Variants in SEC24C observed in about 807,000 individuals in gnomAD.
SEC24C encodes the protein SEC24 homolog C, COPII component.
Under a neutral mutation model 117.0 loss-of-function variants are expected in SEC24C, and 22 were observed. The ratio of observed to expected loss-of-function variants is 0.19; its 90% CI spans 0.13 to 0.27. The LOEUF (loss-of-function observed/expected upper bound fraction) is 0.27, where lower values mean the gene tolerates loss of function less well. SEC24C is among the 10% of genes least tolerant of loss of function. The pLI is 1.00. For synonymous variants in SEC24C, 506 were observed against 529.4 expected (o/e 0.96, Z 0.61); for missense variants, 1,155 against 1,375.1 (o/e 0.84, Z 2.53).
Position 73,769,815 on chromosome 10 carries a change from T to G in SEC24C, c.2683-21T>G. The G allele has an allele frequency of 6.2e-7, 1 of 1,613,068 alleles. No individual in the cohort carries two copies. The highest frequency in any genetic ancestry group is 1.1e-5 in the South Asian group (1 of 91,068). The stretch of plus-strand genomic sequence containing the variant: ...GAGGGATTTCTCATGATCATTGACT[T>G]TATTTTGATAATCCCCTCAGTTGAT... On this transcript the variant is annotated intron_variant, in intron 19 of 22. Coordinates refer to ENST00000345254, the MANE Select transcript of SEC24C (RefSeq NM_198597.3). This position sits in a 1 kb window ranked among gnomAD's most constrained non-coding sequence, Gnocchi z 4.5.
Position 73,769,561 on chromosome 10 carries a change from G to T in SEC24C, c.2564-54G>T. 6.2e-7 allele frequency: 1 copy of T among 1,612,638 alleles called. No homozygotes were observed. Among genetic ancestry groups the T allele is most frequent in the East Asian group, 2.2e-5 (1 of 44,866 alleles). ...GGTGAGTGGGTAGTTGTGATGGTGG[G>T]AATGCACACATGATGGGCAGCTGAC... On this transcript the variant is annotated intron_variant, in intron 18 of 22. Transcript: ENST00000345254. This position sits in a 1 kb window ranked among gnomAD's most constrained non-coding sequence, Gnocchi z 4.5.
chr10:73,767,226 G>A, intron 14 of SEC24C, 56 bp downstream of exon 14: 1 of 1,178,444 alleles, frequency 8.5e-7, no homozygotes, highest in Non-Finnish European at 1.3e-6. Context: ...AGGAAGTGGG[G>A]ACTCTACTTT....
intron 6 of SEC24C, among the ~76,000 whole-genome samples, chr10:73,762,417 G>T (rs2082811747): frequency 6.6e-6 from 1 of 152,198 alleles, no homozygotes; most frequent in South Asian, 2.1e-4. Flanking sequence ...TAAGGGTGGG[G>T]TCAGGTGGCA....
intron 3 of SEC24C, among the ~76,000 whole-genome samples, chr10:73,752,361 C>T (rs2082654086): frequency 6.6e-6 from 1 of 152,122 alleles, no homozygotes; most frequent in South Asian, 2.1e-4. Flanking sequence ...TGAGCTCAAG[C>T]AATCTGCCCA....
chr10:73,756,899 ATTTTTTTTTTTT>A (rs1172846982), intron 3 of SEC24C, among the ~76,000 whole-genome samples: 6 of 41,898 alleles, frequency 1.4e-4, no homozygotes, highest in South Asian at 1.6e-3. Context: ...TTCCTGGCCA[ATTTTTTTTTTTT>A]TTTTTTTTTT....
rs748651983 is a variant in SEC24C at position 73,769,598 on chromosome 10, T to C, written c.2564-17T>C. 6 of 1,613,710 alleles carry C rather than the reference T, an allele frequency of 3.7e-6. No individual in the cohort carries two copies. The highest frequency in any genetic ancestry group is 5.1e-6 in the Non-Finnish European group (6 of 1,179,702). ...GATGGGCAGCTGACCAGTGACTATC[T>C]TTGCTTTCCCATCCAGCATATCGGG... On this transcript the variant is annotated splice_polypyrimidine_tract_variant and intron_variant, in intron 18 of 22. Coordinates refer to ENST00000345254, the MANE Select transcript of SEC24C (RefSeq NM_198597.3). This position sits in a 1 kb window ranked among gnomAD's most constrained non-coding sequence, Gnocchi z 4.5.
rs371202306 is a variant in SEC24C at position 73,769,785 on chromosome 10, T to C, written c.2683-51T>C. On this transcript the variant is annotated intron_variant, in intron 19 of 22. Coordinates refer to ENST00000345254, the MANE Select transcript of SEC24C (RefSeq NM_198597.3). The surrounding 1 kb of genome is among the most constrained non-coding windows in gnomAD (Gnocchi z 4.5). ...GGGGTTGTTGGGACAAATGTTTGCA[T>C]TTGGGAGGGATTTCTCATGATCATT... is the stretch of plus-strand genomic sequence containing the variant. 32 of 1,612,076 alleles carry C rather than the reference T, an allele frequency of 2.0e-5. No homozygotes were observed. The African/African-American group carries it at 3.9e-4, about 20-fold the overall frequency.
rs2082945531 is a variant in SEC24C at position 73,769,809 on chromosome 10, T to C, written c.2683-27T>C. 6.2e-7 allele frequency: 1 copy of C among 1,612,904 alleles called. No individual in the cohort carries two copies. Among genetic ancestry groups the C allele is most frequent in the Non-Finnish European group, 8.5e-7 (1 of 1,178,950 alleles). ...ATTTGGGAGGGATTTCTCATGATCA[T>C]TGACTTTATTTTGATAATCCCCTCA... is the stretch of plus-strand genomic sequence containing the variant. On this transcript the variant is annotated intron_variant, in intron 19 of 22. Coordinates refer to ENST00000345254, the MANE Select transcript of SEC24C (RefSeq NM_198597.3). This position sits in a 1 kb window ranked among gnomAD's most constrained non-coding sequence, Gnocchi z 4.5.
At chr10:73,763,316 T>C (rs1005823878) in intron 6 of SEC24C, among the ~76,000 whole-genome samples, 174 bp from the exon 7 acceptor site, 1 of 152,204 alleles carries the variant, frequency 6.6e-6, no homozygotes, top group African/African-American at 2.4e-5. Flanking sequence ...AGTGTAAGAT[T>C]GGCATTACAG....
At chr10:73,753,699 C>A (rs1300164364) in intron 3 of SEC24C, among the ~76,000 whole-genome samples, 1 of 152,180 alleles carries the variant, frequency 6.6e-6, no homozygotes, top group African/African-American at 2.4e-5. Flanking sequence ...AAATGTACAA[C>A]CCCACGTACC....
Position 73,766,169 on chromosome 10 carries a change from C to A in SEC24C, c.1566C>A (p.Leu522=). ...YNAIRTGLVR[L]LCEELKSLLD... is the part of the protein sequence containing the mutation. The stretch of plus-strand genomic sequence containing the variant: ...CCATCAGGACTGGTCTTGTTAGGCT[C>A]CTCTGTGAGGAGCTCAAGTCACTGT... Residue 522 remains leucine (L), a synonymous_variant, in exon 11 of 23, where the codon CTC becomes CTA. Transcript: ENST00000345254. 1 of 1,613,888 alleles carries A rather than the reference C, an allele frequency of 6.2e-7. No individual in the cohort carries two copies. Among genetic ancestry groups the A allele is most frequent in the Non-Finnish European group, 8.5e-7 (1 of 1,179,984 alleles).
rs2082979623 is a variant in SEC24C at position 73,771,325 on chromosome 10, A to T, written c.*230A>T. On this transcript the variant is annotated 3_prime_UTR_variant, in exon 23 of 23. Transcript: ENST00000345254. ...CTCATTCTACCCTCTTTTTCCTGCT[A>T]ATCCTGTCATAATGAATGTAGCTTC... 1.8e-6 allele frequency: 1 copy of T among 547,978 alleles called. No homozygotes were observed. The highest frequency in any genetic ancestry group is 1.9e-5 in the African/African-American group (1 of 52,736). 33.9% of individuals were successfully genotyped at this position (547,978 alleles called of 1,614,324 possible). A position where few individuals can be genotyped will look rare whatever the true frequency, so the allele number is the denominator to read the frequency against.
chr10:73,766,381 G>C lies in SEC24C; in HGVS notation c.1639G>C (p.Val547Leu). The change falls in exon 12 of 23, where the codon GTT (valine) becomes CTT (leucine). Residue 547 changes from valine (V) to leucine (L), a missense_variant. Coordinates refer to ENST00000345254, the MANE Select transcript of SEC24C (RefSeq NM_198597.3). ...TGGGGCAGAAGAGTCAGCAATCCGC[G>C]TTGGCTTTGTCACCTACAATAAGGT... ...EGGAEESAIRVGFVTYNKVLH... is the reference protein window; with the variant it reads ...EGGAEESAIRLGFVTYNKVLH... 2 of 1,611,466 alleles carry C rather than the reference G, an allele frequency of 1.2e-6. No homozygotes were observed. The highest frequency in any genetic ancestry group is 1.7e-6 in the Non-Finnish European group (2 of 1,178,252).
Position 73,763,976 on chromosome 10 carries a change from C to T in SEC24C, c.1220C>T (p.Pro407Leu). Residue 407 changes from proline to leucine, a missense_variant, in exon 8 of 23, where the codon CCA becomes CTA. Coordinates refer to ENST00000345254, the MANE Select transcript of SEC24C (RefSeq NM_198597.3). ...ATCAAACCGCTGGCAAGGCTGCCCC[C>T]AGAGGAGGTGAGTCAGGGAAGGGGC... The part of the protein sequence containing the change: ...AVIKPLARLP[P>L]EEASPYVVDH... 1 of 1,586,828 alleles carries T rather than the reference C, an allele frequency of 6.3e-7. No individual in the cohort carries two copies.
chr10:73,747,913 A>G (rs1161600218), intron 2 of SEC24C, among the ~76,000 whole-genome samples: 1 of 148,840 alleles, frequency 6.7e-6, no homozygotes, highest in Non-Finnish European at 1.5e-5. Context: ...CCCACCTCGG[A>G]CTCCCAAAAT....
Position 73,770,608 on chromosome 10 carries a change from C to T in SEC24C, c.3055-101C>T, listed in dbSNP as rs2082963693. 2.0e-6 allele frequency: 3 copies of T among 1,504,086 alleles called. No individual in the cohort carries two copies. In the African/African-American group the frequency reaches 4.1e-5, roughly 21 times the overall value. The allele number at this position is 1,504,086 out of a possible 1,614,324, so 93.2% of individuals were successfully genotyped here. ...GACAAGGGCAGTTGCTGTCATTCTT[C>T]CCAGGTTTGCCTGTTTCAGATGATG... On this transcript the variant is annotated intron_variant, in intron 21 of 22. Transcript: ENST00000345254.
chr10:73,764,299 T>C (rs1456031128), intron 8 of SEC24C, among the ~76,000 whole-genome samples: 2 of 151,184 alleles, frequency 1.3e-5, no homozygotes, highest in African/African-American at 2.4e-5. Context: ...CTGAGGCGGG[T>C]GGATCACGAG....
intron 6 of SEC24C, among the ~76,000 whole-genome samples, chr10:73,762,934 A>G (rs1296969198): frequency 6.6e-6 from 1 of 152,190 alleles, no homozygotes; most frequent in Non-Finnish European, 1.5e-5. Context: ...ACCTGAAAGT[A>G]AGGCAGCATC....
At chr10:73,768,028 C>T (rs2132575012) in intron 15 of SEC24C, 21 bp downstream of exon 15, 1 of 1,599,392 alleles carries the variant, frequency 6.3e-7, no homozygotes, top group Non-Finnish European at 8.5e-7. Flanking sequence ...GGATTTGGGG[C>T]AGCAGGTGGC....
Sources: allele counts gnomAD v4.1 joint callset (sites outside exome capture counted in the v4.1 genomes callset), GRCh38; gene constraint gnomAD v4.1.1; non-coding constraint Gnocchi (gnomAD v3.1); transcripts MANE v1.5; gene names NCBI Gene and HGNC (gene_info 2026-07-23, HGNC 2026-07-21).